Variants in NEBL observed in about 807,000 individuals in gnomAD.
NEBL encodes LIM and SH3 protein 2.
NEBL carries 122 observed loss-of-function variants against 140.2 expected under a neutral mutation model. The observed-to-expected ratio is 0.87, with a 90% CI of 0.75 to 1.01. The LOEUF is 1.01. NEBL is among the 50% of genes least tolerant of loss of function. NEBL has a pLI of 0.00. For missense variants in NEBL, 1,365 were observed against 1,231.3 expected (o/e 1.11, Z -1.62); for synonymous variants, 436 against 398.9 (o/e 1.09, Z -1.11).
In NEBL at chr10:21,173,869, G is replaced by C; in HGVS notation, c.-36C>G. ...CCCGGGGGCGGCGGCGGCGGCGGCTGCTGGCTCCCAGGAGCCGCTGTGACA... is the reference window on the plus strand; with the variant it reads ...CCCGGGGGCGGCGGCGGCGGCGGCTCCTGGCTCCCAGGAGCCGCTGTGACA... On this transcript the variant is annotated 5_prime_UTR_variant, in exon 1 of 7. Coordinates refer to the NEBL transcript ENST00000417816. This position sits in a 1 kb window ranked among gnomAD's most constrained non-coding sequence, Gnocchi z 5.7. 1 of 1,604,338 alleles carries C rather than the reference G, an allele frequency of 6.2e-7. No homozygotes were observed.
chr10:21,272,258 C>T (rs895609599), intron 1 of NEBL, among the ~76,000 whole-genome samples: 1 of 151,498 alleles, frequency 6.6e-6, no homozygotes, highest in East Asian at 1.9e-4. Context: ...AGCCACCGCA[C>T]CCGGCAAATA....
intron 3 of NEBL, among the ~76,000 whole-genome samples, chr10:21,230,876 A>T (rs893076547): frequency 1.3e-5 from 2 of 152,148 alleles, no homozygotes; most frequent in African/African-American, 4.8e-5. Context: ...AAGTGTTGTG[A>T]TTACAGGCAT....
intron 2 of NEBL, among the ~76,000 whole-genome samples, chr10:21,074,814 T>A (rs7092686): frequency 0.022 from 3,379 of 151,368 alleles, 108 homozygotes; most frequent in African/African-American, 0.078. Flanking sequence ...GTTGTTGTTG[T>A]TGTTGTTGAG....
At chr10:21,003,792 C>T (rs1335651954) in intron 3 of NEBL, among the ~76,000 whole-genome samples, 1 of 152,158 alleles carries the variant, frequency 6.6e-6, no homozygotes, top group Non-Finnish European at 1.5e-5. Context: ...TAGGAACTAG[C>T]CTTTGCTTAA....
chr10:21,284,388 G>T (rs1843031135), intron 1 of NEBL, among the ~76,000 whole-genome samples: 1 of 151,704 alleles, frequency 6.6e-6, no homozygotes, highest in African/African-American at 2.4e-5. Context: ...TCTTCCTGCA[G>T]CCCACCCTCC....
chr10:21,120,421 T>C (rs1341640481), intron 2 of NEBL, among the ~76,000 whole-genome samples: 3 of 131,016 alleles, frequency 2.3e-5, no homozygotes, highest in Non-Finnish European at 3.2e-5. Flanking sequence ...TATATATATA[T>C]ATAAATTTGA....
rs759721447 is a variant in NEBL at position 20,835,612 on chromosome 10, C to A, written c.1350G>T (p.Lys450Asn). 6.8e-6 allele frequency: 11 copies of A among 1,606,800 alleles called. No individual in the cohort carries two copies. Among genetic ancestry groups the A allele is most frequent in the Non-Finnish European group, 8.5e-6 (10 of 1,175,654 alleles). ...CTTTAATTATTGACTCCAGGTCTTT[C>A]TTGTATTCTTTCTGCAAAAGACAAC... The part of the protein sequence containing the change: ...ASEMASEKEY[K>N]KDLESIIKGK... Residue 450 changes from lysine (K) to asparagine (N), a missense_variant, in exon 14 of 28, where the codon AAG (lysine) becomes AAT (asparagine). Transcript: ENST00000377122.
intron 2 of NEBL, among the ~76,000 whole-genome samples, chr10:21,061,571 T>C (rs1019555894): frequency 1.3e-5 from 2 of 149,696 alleles, no homozygotes; most frequent in African/African-American, 4.9e-5. Flanking sequence ...TAAATATAAA[T>C]AGCATTGTCT....
chr10:21,034,365 T>A (rs1376698449), intron 2 of NEBL, among the ~76,000 whole-genome samples: 2 of 152,134 alleles, frequency 1.3e-5, no homozygotes, highest in Non-Finnish European at 2.9e-5. Context: ...TACTGATCTA[T>A]GCCTAGCTTA....
chr10:21,016,381 G>C (rs1838556469), intron 3 of NEBL, among the ~76,000 whole-genome samples: 1 of 152,176 alleles, frequency 6.6e-6, no homozygotes, highest in South Asian at 2.1e-4. Flanking sequence ...AAAAAAGCTT[G>C]AGAGGATTTA....
chr10:20,969,441 A>G (rs908623896), intron 3 of NEBL, among the ~76,000 whole-genome samples: 3 of 150,326 alleles, frequency 2.0e-5, no homozygotes, highest in African/African-American at 4.9e-5. Context: ...TCACAATCCA[A>G]CTTTACCAGA....
rs763386122 is a variant in NEBL at position 20,815,598 on chromosome 10, T to C, written c.2241+27A>G. 2.0e-6 allele frequency: 3 copies of C among 1,493,828 alleles called. No homozygotes were observed. The African/African-American group carries it at 4.1e-5, about 21-fold the overall frequency. 92.5% of individuals were successfully genotyped at this position (1,493,828 alleles called of 1,614,324 possible). On this transcript the variant is annotated intron_variant, in intron 22 of 27. Coordinates refer to ENST00000377122, the MANE Select transcript of NEBL (RefSeq NM_006393.3). ...ATAATAAAAGACACATCCTTTGTGA[T>C]AGTCTAAAATGAAGAAAACCACTTG...
chr10:20,955,763 A>G (rs1835770213), intron 4 of NEBL, among the ~76,000 whole-genome samples: 2 of 152,160 alleles, frequency 1.3e-5, no homozygotes, highest in Non-Finnish European at 2.9e-5. Context: ...ACAGAAGGAG[A>G]TAAGGCCAAT....
intron 4 of NEBL, among the ~76,000 whole-genome samples, chr10:20,940,271 A>G (rs1275453408): frequency 6.6e-6 from 1 of 151,786 alleles, no homozygotes; most frequent in Non-Finnish European, 1.5e-5. Flanking sequence ...AGAACTCAGG[A>G]TTAAGAAACT....
intron 2 of NEBL, among the ~76,000 whole-genome samples, chr10:21,049,357 A>AT (rs1834663950): frequency 6.6e-6 from 1 of 152,150 alleles, no homozygotes; most frequent in Non-Finnish European, 1.5e-5. Flanking sequence ...GCTGCTTTGC[A>AT]TTTTTGGAGA....
chr10:20,819,644 C>T, intron 19 of NEBL, 128 bp from the exon 20 acceptor site: 1 of 1,178,046 alleles, frequency 8.5e-7, no homozygotes, highest in Non-Finnish European at 1.2e-6. Context: ...ATCAGGATTT[C>T]ATAGTGAAAT....
At chr10:20,974,911 T>C (rs950433924) in intron 3 of NEBL, among the ~76,000 whole-genome samples, 1 of 152,238 alleles carries the variant, frequency 6.6e-6, no homozygotes, top group African/African-American at 2.4e-5. Flanking sequence ...AACATTATAA[T>C]TAGAAAAACT....
At chr10:21,101,985 G>T (rs1330455454) in intron 2 of NEBL, among the ~76,000 whole-genome samples, 1 of 152,238 alleles carries the variant, frequency 6.6e-6, no homozygotes, top group East Asian at 1.9e-4. Flanking sequence ...GACAGGGCAG[G>T]CCTGTCTTCC....
chr10:21,129,009 T>C (rs59694641), intron 2 of NEBL, among the ~76,000 whole-genome samples: 2,314 of 152,314 alleles, frequency 0.015, 56 homozygotes, highest in African/African-American at 0.052. Context: ...TGGTTCCACA[T>C]GTAAGCAGTT....
Sources: gnomAD v4.1 joint callset for allele counts (sites outside exome capture counted in the v4.1 genomes callset) on GRCh38, gnomAD v4.1.1 for gene constraint, Gnocchi (gnomAD v3.1) non-coding constraint, MANE v1.5 for transcripts, NCBI Gene and HGNC (gene_info 2026-07-23, HGNC 2026-07-21) for gene names.